METTL15: variants seen among roughly 807,000 people sequenced by gnomAD.
METTL15 encodes the protein 12S rRNA N(4)-cytidine methyltransferase METTL15.
METTL15 carries 34 observed loss-of-function variants against 38.3 expected under a neutral mutation model. The observed-to-expected ratio is 0.89, with a 90% CI of 0.68 to 1.18. The LOEUF (loss-of-function observed/expected upper bound fraction) is 1.18. Ranked by LOEUF, METTL15 falls within the 50% of genes most tolerant of loss-of-function variation. The pLI is 0.00. For missense variants in METTL15, 438 were observed against 498.4 expected, an observed-to-expected ratio of 0.88 and a Z score of 1.15; for synonymous variants, 162 against 170.9, an observed-to-expected ratio of 0.95 and a Z score of 0.41.
intron 3 of METTL15, among the ~76,000 whole-genome samples, chr11:28,125,249 G>C (rs1419958473): frequency 1.3e-5 from 2 of 152,050 alleles, no homozygotes; most frequent in African/African-American, 4.8e-5. Context: ...TTTATTTCAA[G>C]ATTTCTTCAG....
intron 6 of METTL15, among the ~76,000 whole-genome samples, chr11:28,486,481 G>A (rs571756397): frequency 6.6e-6 from 1 of 152,132 alleles, no homozygotes; most frequent in African/African-American, 2.4e-5. Context: ...TGGAGATACT[G>A]AGTGGACTTC....
chr11:28,377,814 T>C (rs1284336886), intron 5 of METTL15, among the ~76,000 whole-genome samples: 1 of 53,570 alleles, frequency 1.9e-5, no homozygotes, highest in Admixed American at 2.9e-4. Flanking sequence ...TCTTTGATGA[T>C]GAAGTACAGA....
intron 6 of METTL15, among the ~76,000 whole-genome samples, chr11:28,313,789 A>T (rs557422926): frequency 6.6e-6 from 1 of 151,922 alleles, no homozygotes; most frequent in African/African-American, 2.4e-5. Flanking sequence ...TTGGCCTCCA[A>T]GTGGGAGCTA....
chr11:28,173,964 A>G (rs1383519235), intron 3 of METTL15, among the ~76,000 whole-genome samples: 1 of 152,152 alleles, frequency 6.6e-6, no homozygotes, highest in Non-Finnish European at 1.5e-5. Context: ...TGTACTATCA[A>G]TATGATTTTT....
chr11:28,351,552 G>A (rs1157988678), intron 3 of METTL15, among the ~76,000 whole-genome samples: 1 of 152,204 alleles, frequency 6.6e-6, no homozygotes, highest in Non-Finnish European at 1.5e-5. Flanking sequence ...GTTAATTCAT[G>A]TGAGAAAGTG....
At chr11:28,111,593 T>C (rs149115608) in intron 2 of METTL15, among the ~76,000 whole-genome samples, 82 of 152,358 alleles carry the variant, frequency 5.4e-4, no homozygotes, top group African/African-American at 1.9e-3. Flanking sequence ...GGGCAATGTT[T>C]ATAGCATGGA....
At chr11:28,308,393 C>A (rs562404789) in intron 6 of METTL15, among the ~76,000 whole-genome samples, 1 of 152,074 alleles carries the variant, frequency 6.6e-6, no homozygotes, top group Non-Finnish European at 1.5e-5. Flanking sequence ...GTATTTCCCA[C>A]GTCTTTCTAT....
downstream of METTL15, among the ~76,000 whole-genome samples, chr11:28,530,832 G>A (rs1043314696): frequency 1.3e-5 from 2 of 151,910 alleles, no homozygotes; most frequent in African/African-American, 4.8e-5. Flanking sequence ...AGCAAAAATT[G>A]TTTAATACAG....
rs544387405 is a variant in METTL15 at position 28,327,872 on chromosome 11, G to C, written c.779-2524G>C. 4.2e-3 allele frequency: 1,720 copies of C among 410,136 alleles called. 11 individuals are homozygous for C. Among genetic ancestry groups the C allele is most frequent in the Non-Finnish European group, 6.1e-3 (1,426 of 232,448 alleles). 25.4% of individuals were successfully genotyped at this position (410,136 alleles called of 1,614,324 possible). On this transcript the variant is annotated intron_variant, in intron 6 of 6. Transcript: ENST00000407364. ...TATGCAAACATTTATTGAGCTTTCT[G>C]CCTTTCTATTTTATGAATTAAGAGA... is the stretch of plus-strand genomic sequence containing the variant.
intron 3 of METTL15, chr11:28,125,862 C>G (rs1249442783): frequency 6.6e-6 from 1 of 152,044 alleles, no homozygotes; most frequent in East Asian, 1.9e-4. Context: ...TCTTGATCGA[C>G]TTAAGGTAGT....
At chr11:28,250,028 TC>T (rs1378946747) in intron 4 of METTL15, among the ~76,000 whole-genome samples, 1 of 152,064 alleles carries the variant, frequency 6.6e-6, no homozygotes, top group Non-Finnish European at 1.5e-5. Context: ...TCCAGCTCCA[TC>T]CATGTTGCTG....
chr11:28,180,458 T>C (rs1851241644), intron 3 of METTL15, among the ~76,000 whole-genome samples: 1 of 151,790 alleles, frequency 6.6e-6, no homozygotes. Context: ...AGTTGTCTGC[T>C]TTTCCTTCCC....
intron 4 of METTL15, among the ~76,000 whole-genome samples, chr11:28,223,442 G>C (rs187911029): frequency 8.7e-4 from 133 of 152,262 alleles, no homozygotes; most frequent in Middle Eastern, 6.8e-3. Flanking sequence ...TGGATAGTTG[G>C]TTGAAAGGAT....
intron 3 of METTL15, among the ~76,000 whole-genome samples, chr11:28,199,455 A>G (rs1852026911): frequency 6.6e-6 from 1 of 152,124 alleles, no homozygotes; most frequent in Admixed American, 6.6e-5. Context: ...AAACCTCTTC[A>G]AGAAGTTTCT....
rs1040284981 is a variant in METTL15 at position 28,331,973 on chromosome 11, G to T, written c.*1132G>T. The T allele has an allele frequency of 2.4e-4, 36 of 152,096 alleles. No homozygotes were observed. The highest frequency in any genetic ancestry group is 7.5e-4 in the African/African-American group (31 of 41,508). 9.4% of individuals were successfully genotyped at this position (152,096 alleles called of 1,614,324 possible). A position where few individuals can be genotyped will look rare whatever the true frequency, so the allele number is the denominator to read the frequency against. ...GAAATCATATTTATACTATTAATTT[G>T]CTCAGTGCACTTTTTTCAAATACAG... On this transcript the variant is annotated 3_prime_UTR_variant, in exon 7 of 7. Transcript: ENST00000407364.
chr11:28,226,412 G>A (rs1199052650), intron 4 of METTL15, among the ~76,000 whole-genome samples: 2 of 151,758 alleles, frequency 1.3e-5, no homozygotes, highest in Non-Finnish European at 2.9e-5. Flanking sequence ...GCAAAAAGAG[G>A]GAAGCCAGCT....
chr11:28,454,377 G>C (rs1478030280), intron 6 of METTL15, among the ~76,000 whole-genome samples: 1 of 152,198 alleles, frequency 6.6e-6, no homozygotes, highest in African/African-American at 2.4e-5. Flanking sequence ...GTAATTTTCA[G>C]CTGTACTGAT....
intron 3 of METTL15, among the ~76,000 whole-genome samples, chr11:28,164,649 C>T (rs969255926): frequency 4.6e-5 from 7 of 152,128 alleles, no homozygotes; most frequent in African/African-American, 1.7e-4. Context: ...TAACATGTCA[C>T]TTATTTTTTA....
At chr11:28,376,073 T>A (rs1234245246) in intron 5 of METTL15, among the ~76,000 whole-genome samples, 4 of 151,818 alleles carry the variant, frequency 2.6e-5, no homozygotes, top group Admixed American at 6.6e-5. Flanking sequence ...TGCTGAGGAG[T>A]GCTTTACTTC....
Sources: allele counts gnomAD v4.1 joint callset (sites outside exome capture counted in the v4.1 genomes callset), GRCh38; gene constraint gnomAD v4.1.1; transcripts MANE v1.5; gene names NCBI Gene and HGNC (gene_info 2026-07-23, HGNC 2026-07-21).